LARGE1: variants seen among roughly 807,000 people sequenced by gnomAD.
The protein encoded by LARGE1 is xylosyl- and glucuronyltransferase LARGE1.
LARGE1 carries 43 observed loss-of-function variants against 87.6 expected under a neutral mutation model. The observed-to-expected ratio is 0.49, with a 90% CI of 0.38 to 0.63. The LOEUF (loss-of-function observed/expected upper bound fraction) is 0.63, where lower values mean the gene tolerates loss of function less well. Ranked by LOEUF, LARGE1 falls within the 30% of genes least tolerant of loss-of-function variation. LARGE1 has a pLI of 0.00. For missense variants in LARGE1, 802 were observed against 1,000.2 expected, an observed-to-expected ratio of 0.80 and a Z score of 2.67; for synonymous variants, 434 against 394.6, an observed-to-expected ratio of 1.10 and a Z score of -1.18.
chr22:33,473,809 A>C (rs2068960259), intron 6 of LARGE1, among the ~76,000 whole-genome samples: 1 of 152,210 alleles, frequency 6.6e-6, no homozygotes, highest in South Asian at 2.1e-4. Context: ...AAAATATTAA[A>C]TGAATGGGAG....
At chr22:33,257,203 C>T (rs1455861191) in intron 11 of LARGE1, among the ~76,000 whole-genome samples, 2 of 151,886 alleles carry the variant, frequency 1.3e-5, no homozygotes, top group Non-Finnish European at 1.5e-5. Flanking sequence ...AAAACTCCGT[C>T]TCAAAAATAA....
At chr22:33,475,154 G>A (rs2069017083) in intron 6 of LARGE1, among the ~76,000 whole-genome samples, 1 of 152,120 alleles carries the variant, frequency 6.6e-6, no homozygotes, top group African/African-American at 2.4e-5. Context: ...GCTTTTTCAG[G>A]AATCTTGCCT....
chr22:33,649,161 G>C (rs2080714410), intron 3 of LARGE1, among the ~76,000 whole-genome samples: 1 of 152,186 alleles, frequency 6.6e-6, no homozygotes. Flanking sequence ...CCAGGCTTGA[G>C]AAACCTGAGA....
chr22:33,813,993 G>C (rs1265633068), intron 1 of LARGE1, among the ~76,000 whole-genome samples: 2 of 152,066 alleles, frequency 1.3e-5, no homozygotes, highest in Non-Finnish European at 2.9e-5. Context: ...TTCCTGTTTA[G>C]AGAAAAAACT....
upstream of LARGE1, among the ~76,000 whole-genome samples, chr22:33,921,173 C>A (rs950244800): frequency 6.6e-6 from 1 of 151,914 alleles, no homozygotes; most frequent in African/African-American, 2.4e-5. The surrounding 1 kb of genome is among the most constrained non-coding windows in gnomAD (Gnocchi z 4.1). Context: ...AGTTCGCCCC[C>A]GCACAGGCTC....
intron 1 of LARGE1, among the ~76,000 whole-genome samples, chr22:33,786,368 A>G (rs1247828390): frequency 6.6e-6 from 1 of 152,148 alleles, no homozygotes; most frequent in Non-Finnish European, 1.5e-5. Flanking sequence ...CAATATTGCT[A>G]CTCCCAAAAG....
intron 2 of LARGE1, among the ~76,000 whole-genome samples, chr22:33,665,869 G>A (rs1361189656): frequency 2.0e-5 from 3 of 148,256 alleles, no homozygotes; most frequent in Non-Finnish European, 4.4e-5. Flanking sequence ...CCCAGCCTGG[G>A]CAACAGAGCA....
At chr22:33,717,917 A>C (rs8137922) in intron 2 of LARGE1, among the ~76,000 whole-genome samples, 18,079 of 152,072 alleles carry the variant, frequency 0.12, 1,605 homozygotes, top group African/African-American at 0.24. Flanking sequence ...CACTCATGTC[A>C]CCCCTGAGCA....
intron 7 of LARGE1, among the ~76,000 whole-genome samples, chr22:33,417,987 G>T (rs772732195): frequency 6.6e-6 from 1 of 151,882 alleles, no homozygotes; most frequent in Non-Finnish European, 1.5e-5. Context: ...TCGCTCTGTC[G>T]CCCAGGCTGG....
At chr22:33,192,439 T>C (rs898663066) in intron 11 of LARGE1, among the ~76,000 whole-genome samples, 1 of 152,210 alleles carries the variant, frequency 6.6e-6, no homozygotes, top group Non-Finnish European at 1.5e-5. Flanking sequence ...AGCATTTTTT[T>C]CACAAACCTG....
chr22:33,562,531 A>C (rs1206259619), intron 6 of LARGE1, among the ~76,000 whole-genome samples: 2 of 152,192 alleles, frequency 1.3e-5, no homozygotes, highest in African/African-American at 2.4e-5. Flanking sequence ...CCTTGCATTC[A>C]AATTTACCTT....
At chr22:33,377,640 A>G (rs1163678114) in intron 9 of LARGE1, among the ~76,000 whole-genome samples, 1 of 152,128 alleles carries the variant, frequency 6.6e-6, no homozygotes, top group African/African-American at 2.4e-5. Flanking sequence ...ACAACCTGTT[A>G]TTGTTTCTTG....
the LARGE1 span, among the ~76,000 whole-genome samples, chr22:33,140,925 G>GATTTTCTT: frequency 6.6e-6 from 1 of 151,942 alleles, no homozygotes; most frequent in African/African-American, 2.4e-5. Context: ...AGATACAGAA[G>GATTTTCTT]ATTTTCTTGA....
intron 1 of LARGE1, among the ~76,000 whole-genome samples, chr22:33,871,688 T>C (rs1311088457): frequency 6.6e-6 from 1 of 152,022 alleles, no homozygotes; most frequent in Non-Finnish European, 1.5e-5. Context: ...CACACACACA[T>C]ACTCCTCTGT....
intron 1 of LARGE1, among the ~76,000 whole-genome samples, chr22:33,807,533 G>A (rs117064649): frequency 0.012 from 1,751 of 152,128 alleles, 24 homozygotes; most frequent in South Asian, 0.028. Context: ...CATCATTATC[G>A]CCTAAAGTCC....
intron 1 of LARGE1, among the ~76,000 whole-genome samples, chr22:33,865,963 C>A (rs1479260119): frequency 6.7e-6 from 1 of 148,398 alleles, no homozygotes; most frequent in Non-Finnish European, 1.5e-5. Flanking sequence ...ATCCTCCCAT[C>A]TCAGCCTCCC....
chr22:33,704,331 G>A (rs917299596), intron 2 of LARGE1, among the ~76,000 whole-genome samples: 1 of 152,188 alleles, frequency 6.6e-6, no homozygotes, highest in African/African-American at 2.4e-5. Context: ...CTGGAAATTG[G>A]GGATTTCTCC....
chr22:33,747,069 T>C (rs1377145479), intron 2 of LARGE1, among the ~76,000 whole-genome samples: 1 of 152,136 alleles, frequency 6.6e-6, no homozygotes, highest in African/African-American at 2.4e-5. Context: ...CCCCAGGTGA[T>C]TCTTATCATC....
intron 5 of LARGE1, among the ~76,000 whole-genome samples, chr22:33,573,726 C>G (rs1031737151): frequency 1.3e-5 from 2 of 152,132 alleles, no homozygotes; most frequent in African/African-American, 4.8e-5. Flanking sequence ...CAAATGGTTT[C>G]TGTGTGTCAG....
Sources: gnomAD v4.1 joint callset for allele counts (sites outside exome capture counted in the v4.1 genomes callset) on GRCh38, gnomAD v4.1.1 for gene constraint, Gnocchi (gnomAD v3.1) non-coding constraint, MANE v1.5 for transcripts, NCBI Gene and HGNC (gene_info 2026-07-23, HGNC 2026-07-21) for gene names.